TRIL: variants seen among roughly 807,000 people sequenced by gnomAD.
TRIL encodes the protein TLR4 interactor with leucine rich repeats.
Under a neutral mutation model 43.0 loss-of-function variants are expected in TRIL, and 23 were observed. The observed-to-expected ratio is 0.54, with a 90% CI of 0.39 to 0.76. The LOEUF (loss-of-function observed/expected upper bound fraction) is 0.76. TRIL is among the 30% of genes least tolerant of loss of function. The pLI, the probability that TRIL is intolerant of heterozygous loss-of-function variation, is 0.00. For synonymous variants in TRIL, 602 were observed against 556.8 expected, an observed-to-expected ratio of 1.08 and a Z score of -1.14; for missense variants, 1,114 against 1,139.3, an observed-to-expected ratio of 0.98 and a Z score of 0.32.
Position 28,957,304 on chromosome 7 carries a change from A to G in TRIL, c.743T>C (p.Ile248Thr). 6.2e-7 allele frequency: 1 copy of G among 1,611,062 alleles called. No individual in the cohort carries two copies. The highest frequency in any genetic ancestry group is 1.3e-5 in the African/African-American group (1 of 75,026). ...ANNLQHLGPRIFQHLPRLGLL... is the reference protein window; with the variant it reads ...ANNLQHLGPRTFQHLPRLGLL... ...GCCGAGACGTGGCAGGTGCTGGAAGATGCGCGGCCCGAGGTGCTGCAGGTT... is the reference window on the plus strand; with the variant it reads ...GCCGAGACGTGGCAGGTGCTGGAAGGTGCGCGGCCCGAGGTGCTGCAGGTT... The change falls in exon 1 of 1, where the codon ATC becomes ACC. Residue 248 changes from isoleucine (I) to threonine (T), a missense_variant. Transcript: ENST00000539664.
rs1783396089 is a variant in TRIL, at chr7:28,956,069, A to C, written c.1978T>G (p.Cys660Gly). The change falls in exon 1 of 1, where the codon TGC (cysteine) becomes GGC (glycine). Residue 660 changes from cysteine (C) to glycine (G), a missense_variant. By Grantham distance (159) the Cys-to-Gly change is radical. Transcript: ENST00000539664. ...ELRGDTPYLV[C>G]VEGVLGGRVC... ...CGGCCCCCAAGCACGCCCTCCACGC[A>C]CACCAGGTAGGGGGTGTCCCCGCGC... 6.4e-7 allele frequency: 1 copy of C among 1,552,644 alleles called. No individual in the cohort carries two copies. Among genetic ancestry groups the C allele is most frequent in the Admixed American group, 1.9e-5 (1 of 51,940 alleles).
At position 28,956,642 on chromosome 7, in the gene TRIL, C is replaced by A. The variant is rs767557809; in HGVS notation, c.1405G>T (p.Asp469Tyr). Residue 469 changes from aspartate (D) to tyrosine (Y), a missense_variant, in exon 1 of 1, where the codon GAT becomes TAT. Asp to Tyr is a radical substitution (Grantham distance 160). Coordinates refer to ENST00000539664, the MANE Select transcript of TRIL (RefSeq NM_014817.4). ...QGRFLAGVAW[D>Y]GAARELVGNR... ...CCTACCAGCTCCCTGGCGGCCCCAT[C>A]CCAGGCCACCCCAGCTAGAAATCGC... 2.5e-6 allele frequency: 4 copies of A among 1,568,788 alleles called. No homozygotes were observed. In the South Asian group the frequency reaches 4.7e-5, roughly 18 times the overall value.
In TRIL at chr7:28,955,759, T is replaced by C. The variant is rs758209209; in HGVS notation, c.2288A>G (p.Gln763Arg). Reference protein sequence around the residue: ...TGVSADFSGFQSHRPRTTVCA... With the variant: ...TGVSADFSGFRSHRPRTTVCA... ...CACGGTGGTGCGTGGCCGGTGCGACTGGAATCCCGAGAAGTCGGCGGACAC... is the reference window on the plus strand; with the variant it reads ...CACGGTGGTGCGTGGCCGGTGCGACCGGAATCCCGAGAAGTCGGCGGACAC... Residue 763 changes from glutamine to arginine, a missense_variant, in exon 1 of 1, where the codon CAG (glutamine) becomes CGG (arginine). By Grantham distance (43) the Gln-to-Arg change is conservative (BLOSUM62 1). Coordinates refer to ENST00000539664, the MANE Select transcript of TRIL (RefSeq NM_014817.4). 64 of 1,550,184 alleles carry C rather than the reference T, an allele frequency of 4.1e-5. No homozygotes were observed. Among genetic ancestry groups the C allele is most frequent in the Non-Finnish European group, 5.4e-5 (62 of 1,146,864 alleles).
Position 28,955,908 on chromosome 7 carries a change from G to T in TRIL, c.2139C>A (p.Ala713=). The T allele has an allele frequency of 6.4e-7, 1 of 1,552,302 alleles. No homozygotes were observed. The part of the protein sequence containing the change: ...LTVNALLVLL[A]LAAWASRWLR... Reference sequence around the variant, plus strand: ...GCCAGCGAGACGCCCAGGCCGCCAAGGCCAGGAGCACCAGCAGCGCGTTGA... The same window carrying T: ...GCCAGCGAGACGCCCAGGCCGCCAATGCCAGGAGCACCAGCAGCGCGTTGA... The change falls in exon 1 of 1, where the codon GCC becomes GCA. Residue 713 remains alanine, a synonymous_variant. Transcript: ENST00000539664.
In TRIL at chr7:28,956,821, A is replaced by C. The variant is rs773179191; in HGVS notation, c.1226T>G (p.Leu409Arg). ...GGGATCCGCGCAGGATCCATTTTGC[A>C]GCTGCTGGTCATCCAGGTAATCCAG... ...KYLDYLDDQQ[L>R]QNGSCADPSP... is the part of the protein sequence containing the mutation. Residue 409 changes from leucine (L) to arginine (R), a missense_variant, in exon 1 of 1, where the codon CTG becomes CGG. By Grantham distance (102) the Leu-to-Arg change is moderately radical (BLOSUM62 -2). Coordinates refer to ENST00000539664, the MANE Select transcript of TRIL (RefSeq NM_014817.4). The C allele has an allele frequency of 3.1e-6, 5 of 1,610,806 alleles. No individual in the cohort carries two copies. Among genetic ancestry groups the C allele is most frequent in the African/African-American group, 1.3e-5 (1 of 74,862 alleles).
chr7:28,957,556 C>T lies in TRIL; in HGVS notation c.491G>A (p.Gly164Glu). The part of the protein sequence containing the change: ...LESLVKLRLD[G>E]NALGALPDAV... ...GTCCGGCAGCGCCCCCAGGGCGTTC[C>T]CGTCCAGCCGCAGCTTGACTAGACT... is the stretch of plus-strand genomic sequence containing the variant. The change falls in exon 1 of 1, where the codon GGG becomes GAG. Residue 164 changes from glycine to glutamate, a missense_variant. Gly to Glu is a moderately conservative substitution (Grantham distance 98). Transcript: ENST00000539664. 3 of 1,612,376 alleles carry T rather than the reference C, an allele frequency of 1.9e-6. No homozygotes were observed. The highest frequency in any genetic ancestry group is 1.7e-4 in the Middle Eastern group (1 of 6,056).
At position 28,953,754 on chromosome 7, in the gene TRIL, T is replaced by G. The variant is rs1484572899; in HGVS notation, c.*1857A>C. The G allele has an allele frequency of 1.3e-5, 2 of 152,218 alleles. No homozygotes were observed. The highest frequency in any genetic ancestry group is 2.9e-5 in the Non-Finnish European group (2 of 68,046). The allele number at this position is 152,218 out of a possible 1,614,324, so 9.4% of individuals were successfully genotyped here. On this transcript the variant is annotated 3_prime_UTR_variant, in exon 1 of 1. Coordinates refer to ENST00000539664, the MANE Select transcript of TRIL (RefSeq NM_014817.4). ...ACTAAGAATGACAGTCTATTTCCTG[T>G]GGTTTATTAAGTTTTGGCCCCGCAG... is the stretch of plus-strand genomic sequence containing the variant.
At position 28,957,287 on chromosome 7, in the gene TRIL, G is replaced by T. The variant is rs1783421828; in HGVS notation, c.760C>A (p.Arg254Ser). Residue 254 changes from arginine to serine, a missense_variant, in exon 1 of 1, where the codon CGT becomes AGT. Arg to Ser is a moderately radical substitution (Grantham distance 110). Transcript: ENST00000539664. ...CCCCTGAGCGAGAGCAGGCCGAGACGTGGCAGGTGCTGGAAGATGCGCGGC... is the reference window on the plus strand; with the variant it reads ...CCCCTGAGCGAGAGCAGGCCGAGACTTGGCAGGTGCTGGAAGATGCGCGGC... The part of the protein sequence containing the change: ...LGPRIFQHLP[R>S]LGLLSLRGNQ... 2 of 1,610,984 alleles carry T rather than the reference G, an allele frequency of 1.2e-6. No individual in the cohort carries two copies. The highest frequency in any genetic ancestry group is 1.7e-6 in the Non-Finnish European group (2 of 1,179,796).
chr7:28,955,585 T>A lies in TRIL; in HGVS notation c.*26A>T. On this transcript the variant is annotated 3_prime_UTR_variant, in exon 1 of 1. Coordinates refer to ENST00000539664, the MANE Select transcript of TRIL (RefSeq NM_014817.4). Reference sequence around the variant, plus strand: ...CGGAGAGGCGGCTCCTTAGGGCCAATGAGATGGTCTCTATATGCCCTGGAC... The same window carrying A: ...CGGAGAGGCGGCTCCTTAGGGCCAAAGAGATGGTCTCTATATGCCCTGGAC... The A allele has an allele frequency of 6.7e-7, 1 of 1,486,014 alleles. No individual in the cohort carries two copies. Among genetic ancestry groups the A allele is most frequent in the Non-Finnish European group, 9.0e-7 (1 of 1,116,456 alleles). The allele number at this position is 1,486,014 out of a possible 1,614,324, so 92.1% of individuals were successfully genotyped here. A position where few individuals can be genotyped will look rare whatever the true frequency, so the allele number is the denominator to read the frequency against.
chr7:28,957,012 G>A lies in TRIL; in HGVS notation c.1035C>T (p.Phe345=). 6.3e-7 allele frequency: 1 copy of A among 1,580,322 alleles called. No individual in the cohort carries two copies. The highest frequency in any genetic ancestry group is 8.6e-7 in the Non-Finnish European group (1 of 1,164,638). ...GCCGATAAAGGGCTGGGCTGGCGGC[G>A]AAGATGTCCCCGGATAGGGCGCTGA... The part of the protein sequence containing the change: ...NALSALSGDI[F]AASPALYRLD... Residue 345 remains phenylalanine, a synonymous_variant, in exon 1 of 1, where the codon TTC becomes TTT. Coordinates refer to ENST00000539664, the MANE Select transcript of TRIL (RefSeq NM_014817.4).
Position 28,958,230 on chromosome 7 carries a change from C to T in TRIL, c.-184G>A. On this transcript the variant is annotated 5_prime_UTR_variant, in exon 1 of 1. Transcript: ENST00000539664. ...CCCGGGTCTCTGCAGGCGGGCTTCGCCCGGCCAAGTCAGGCGGCGCGGGGC... is the reference window on the plus strand; with the variant it reads ...CCCGGGTCTCTGCAGGCGGGCTTCGTCCGGCCAAGTCAGGCGGCGCGGGGC... 1.2e-6 allele frequency: 1 copy of T among 851,424 alleles called. No homozygotes were observed. Among genetic ancestry groups the T allele is most frequent in the Non-Finnish European group, 1.7e-6 (1 of 586,832 alleles). The allele number at this position is 851,424 out of a possible 1,614,324, so 52.7% of individuals were successfully genotyped here.
chr7:28,955,867 C>T lies in TRIL; in HGVS notation c.2180G>A (p.Arg727Gln). 1 of 1,550,044 alleles carries T rather than the reference C, an allele frequency of 6.5e-7. No individual in the cohort carries two copies. The highest frequency in any genetic ancestry group is 8.7e-7 in the Non-Finnish European group (1 of 1,146,976). Residue 727 changes from arginine (R) to glutamine (Q), a missense_variant, in exon 1 of 1, where the codon CGG becomes CAG. Coordinates refer to ENST00000539664, the MANE Select transcript of TRIL (RefSeq NM_014817.4). ...WASRWLRRKL[R>Q]ARRKGGAPVH... ...CGGGGCCCCGCCCTTCCGCCTAGCC[C>T]GCAGTTTCCTACGCAGCCAGCGAGA...
rs927271830 is a variant in TRIL at position 28,954,497 on chromosome 7, T to C, written c.*1114A>G. The C allele has an allele frequency of 6.6e-6, 1 of 152,654 alleles. No homozygotes were observed. The highest frequency in any genetic ancestry group is 6.5e-5 in the Admixed American group (1 of 15,288). The allele number at this position is 152,654 out of a possible 1,614,324, so 9.5% of individuals were successfully genotyped here. A position where few individuals can be genotyped will look rare whatever the true frequency, so the allele number is the denominator to read the frequency against. On this transcript the variant is annotated 3_prime_UTR_variant, in exon 1 of 1. Coordinates refer to ENST00000539664, the MANE Select transcript of TRIL (RefSeq NM_014817.4). ...ATTTCTTCCCCTCTACTATTTCATA[T>C]AAAGACACTAATGTGGTCAAACATT...
Position 28,954,673 on chromosome 7 carries a change from C to G in TRIL, c.*938G>C, listed in dbSNP as rs150685380. ...TCACATTTATTCCAATCTAAACACA[C>G]TGTCACAGATGTGGTAAGTGAACTG... On this transcript the variant is annotated 3_prime_UTR_variant, in exon 1 of 1. Coordinates refer to ENST00000539664, the MANE Select transcript of TRIL (RefSeq NM_014817.4). The G allele has an allele frequency of 2.2e-4, 34 of 152,346 alleles. No individual in the cohort carries two copies. Among genetic ancestry groups the G allele is most frequent in the African/African-American group, 8.2e-4 (34 of 41,590 alleles). The allele number at this position is 152,346 out of a possible 1,614,324, so 9.4% of individuals were successfully genotyped here.
rs577485071 is a variant in TRIL, at chr7:28,955,126, C to T, written c.*485G>A. The T allele has an allele frequency of 1.2e-4, 19 of 157,772 alleles. 1 individual carries two copies. In the South Asian group the frequency reaches 1.2e-3, roughly 10 times the overall value. 9.8% of individuals were successfully genotyped at this position (157,772 alleles called of 1,614,324 possible). A position where few individuals can be genotyped will look rare whatever the true frequency, so the allele number is the denominator to read the frequency against. ...TAAACTTTACCACCTGTTTACATCCCCCTTCTTGGCAGAGATCACCAAACC... is the reference window on the plus strand; with the variant it reads ...TAAACTTTACCACCTGTTTACATCCTCCTTCTTGGCAGAGATCACCAAACC... On this transcript the variant is annotated 3_prime_UTR_variant, in exon 1 of 1. Coordinates refer to ENST00000539664, the MANE Select transcript of TRIL (RefSeq NM_014817.4).
At position 28,956,186 on chromosome 7, in the gene TRIL, G is replaced by A. The variant is rs1328514588; in HGVS notation, c.1861C>T (p.Arg621Cys). The A allele has an allele frequency of 6.4e-7, 1 of 1,569,104 alleles. No individual in the cohort carries two copies. Among genetic ancestry groups the A allele is most frequent in the Admixed American group, 1.9e-5 (1 of 53,860 alleles). ...TGGCCAAAGCGGTCAAAGAGCAGGC[G>A]GAAGCGCGCGCCGCCCAGCGGCCGG... Reference protein sequence around the residue: ...SPRPLGGARFRLLFDRFGQQP... With the variant: ...SPRPLGGARFCLLFDRFGQQP... Residue 621 changes from arginine to cysteine, a missense_variant, in exon 1 of 1, where the codon CGC (arginine) becomes TGC (cysteine). By Grantham distance (180) the Arg-to-Cys change is radical. Coordinates refer to ENST00000539664, the MANE Select transcript of TRIL (RefSeq NM_014817.4).
In TRIL at chr7:28,955,865, C is replaced by T. The variant is rs1386777351; in HGVS notation, c.2182G>A (p.Ala728Thr). The T allele has an allele frequency of 2.6e-6, 4 of 1,549,920 alleles. No homozygotes were observed. Among genetic ancestry groups the T allele is most frequent in the South Asian group, 2.4e-5 (2 of 84,042 alleles). The change falls in exon 1 of 1, where the codon GCT becomes ACT. Residue 728 changes from alanine (A) to threonine (T), a missense_variant. Physicochemically the swap from Ala to Thr is moderately conservative, Grantham distance 58. Transcript: ENST00000539664. ...ACCGGGGCCCCGCCCTTCCGCCTAGCCCGCAGTTTCCTACGCAGCCAGCGA... is the reference window on the plus strand; with the variant it reads ...ACCGGGGCCCCGCCCTTCCGCCTAGTCCGCAGTTTCCTACGCAGCCAGCGA... ...ASRWLRRKLR[A>T]RRKGGAPVHV...
At position 28,956,216 on chromosome 7, in the gene TRIL, T is replaced by G; in HGVS notation, c.1831A>C (p.Ser611Arg). 1.9e-6 allele frequency: 3 copies of G among 1,559,342 alleles called. No homozygotes were observed. Among genetic ancestry groups the G allele is most frequent in the Non-Finnish European group, 2.6e-6 (3 of 1,154,440 alleles). ...CGCGCGCCGCCCAGCGGCCGGGGAC[T>G]GCGGTGCTCGCGCACGGCCCAGCGC... ...SVRWAVREHR[S>R]PRPLGGARFR... The change falls in exon 1 of 1, where the codon AGT (serine) becomes CGT (arginine). Residue 611 changes from serine to arginine, a missense_variant. Physicochemically the swap from Ser to Arg is moderately radical, Grantham distance 110. Coordinates refer to ENST00000539664, the MANE Select transcript of TRIL (RefSeq NM_014817.4).
rs1378271416 is a variant in TRIL, at chr7:28,958,073, G to T, written c.-27C>A. The T allele has an allele frequency of 4.1e-6, 6 of 1,475,054 alleles. No homozygotes were observed. In the East Asian group the frequency reaches 1.2e-4, roughly 31 times the overall value. 91.4% of individuals were successfully genotyped at this position (1,475,054 alleles called of 1,614,324 possible). ...GCCTCCCGCCCTGCGTGCAGCGGCC[G>T]GATCGTCCTCTTGGCCCGCCGGCTC... On this transcript the variant is annotated 5_prime_UTR_variant, in exon 1 of 1. Coordinates refer to ENST00000539664, the MANE Select transcript of TRIL (RefSeq NM_014817.4).
Sources: gnomAD v4.1 joint callset for allele counts on GRCh38, gnomAD v4.1.1 for gene constraint, MANE v1.5 for transcripts, NCBI Gene and HGNC (gene_info 2026-07-23, HGNC 2026-07-21) for gene names.